Variants in PDE3B observed in about 807,000 individuals in gnomAD.
PDE3B encodes the protein cGMP-inhibited 3',5'-cyclic phosphodiesterase 3B.
PDE3B carries 66 observed loss-of-function variants against 116.8 expected under a neutral mutation model. The ratio of observed to expected loss-of-function variants is 0.56; its 90% CI spans 0.46 to 0.69. PDE3B has a LOEUF of 0.69. Among genes scored for constraint, PDE3B ranks in the 30% least tolerant of loss-of-function variants. PDE3B has a pLI of 0.00. For missense variants in PDE3B, 1,384 were observed against 1,368.1 expected, an observed-to-expected ratio of 1.01 and a Z score of -0.18; for synonymous variants, 595 against 533.6, an observed-to-expected ratio of 1.12 and a Z score of -1.59.
rs574601351 is a variant in PDE3B, at chr11:14,713,512, C to A, written c.979-58425C>A. Among the ~76,000 whole-genome samples, 7 of 152,218 alleles carry A rather than the reference C, an allele frequency of 4.6e-5. No individual in the cohort carries two copies. The South Asian group carries it at 1.5e-3, about 32-fold the overall frequency. ...TTGAACTTGAACTGAAACATTGGCC[C>A]TTCCTGGGTCCCAAGCTTGCTGGCC... On this transcript the variant is annotated intron_variant, in intron 1 of 15. Transcript: ENST00000282096.
At chr11:14,866,739 A>T (rs1264446182) in intron 14 of PDE3B, among the ~76,000 whole-genome samples, 4 of 152,188 alleles carry the variant, frequency 2.6e-5, no homozygotes, top group African/African-American at 9.7e-5. Flanking sequence ...ACTAGGACTA[A>T]AATGTTAATA....
At chr11:14,809,767 C>G (rs1052281810) in intron 5 of PDE3B, among the ~76,000 whole-genome samples, 3 of 152,192 alleles carry the variant, frequency 2.0e-5, no homozygotes, top group African/African-American at 7.2e-5. Context: ...AAAGTACCAT[C>G]TGTGAGGCAG....
At chr11:14,731,975 A>T (rs995580646) in intron 1 of PDE3B, among the ~76,000 whole-genome samples, 3 of 152,158 alleles carry the variant, frequency 2.0e-5, no homozygotes, top group Admixed American at 1.3e-4. Context: ...GGGGAATTCT[A>T]GGGGTTAGGA....
At position 14,832,800 on chromosome 11, in the gene PDE3B, C is replaced by T. The variant is rs370776027; in HGVS notation, c.2173C>T (p.Arg725Cys). ...CACTCAACAATTTATGAACTATTTT[C>T]GTGCATTAGAAAATGGCTATCGAGA... ...IPTQQFMNYF[R>C]ALENGYRDIP... The change falls in exon 10 of 16, where the codon CGT becomes TGT. Residue 725 changes from arginine to cysteine, a missense_variant. Around this residue, in one of 2 missense-constraint regions of PDE3B, gnomAD observed 428 missense variants for 561.4 expected, o/e 0.76. Coordinates refer to ENST00000282096, the MANE Select transcript of PDE3B (RefSeq NM_000922.4). The T allele has an allele frequency of 9.2e-6, 14 of 1,525,886 alleles. 1 individual carries two copies. Among genetic ancestry groups the T allele is most frequent in the East Asian group, 4.6e-5 (2 of 43,326 alleles). 94.5% of individuals were successfully genotyped at this position (1,525,886 alleles called of 1,614,324 possible).
chr11:14,663,576 T>C (rs1052619765), intron 1 of PDE3B, among the ~76,000 whole-genome samples: 3 of 152,112 alleles, frequency 2.0e-5, no homozygotes, highest in African/African-American at 7.2e-5. Context: ...AGGAGGAAGA[T>C]CTACCAAGCC....
chr11:14,710,595 A>G (rs1855673961), intron 1 of PDE3B, among the ~76,000 whole-genome samples: 1 of 152,214 alleles, frequency 6.6e-6, no homozygotes, highest in African/African-American at 2.4e-5. Flanking sequence ...ATTTAGATCC[A>G]AAGCCACTGG....
intron 5 of PDE3B, among the ~76,000 whole-genome samples, chr11:14,809,904 T>TA (rs398015398): frequency 2.6e-5 from 4 of 151,556 alleles, no homozygotes; most frequent in Non-Finnish European, 5.9e-5. Flanking sequence ...TTTTTTTTTT[T>TA]AGGTGGTATA....
At position 14,669,996 on chromosome 11, in the gene PDE3B, T is replaced by A. The variant is rs181019170; in HGVS notation, c.978+24943T>A. On this transcript the variant is annotated intron_variant, in intron 1 of 15. Transcript: ENST00000282096. ...CTAAGTCTTGTATTATAAATGTTTT[T>A]ATAAATACCTGAGAATCAATAGTGC... Among the ~76,000 whole-genome samples, 8 of 152,320 alleles carry A rather than the reference T, an allele frequency of 5.3e-5. No individual in the cohort carries two copies. In the East Asian group the frequency reaches 1.5e-3, roughly 29 times the overall value.
chr11:14,891,685 G>T, the PDE3B span: 2 of 1,193,546 alleles, frequency 1.7e-6, no homozygotes, highest in Non-Finnish European at 2.1e-6. Flanking sequence ...GAGCCAAACG[G>T]CGCAGGCGCA....
intron 12 of PDE3B, among the ~76,000 whole-genome samples, chr11:14,855,726 A>G (rs576778424): frequency 1.3e-5 from 2 of 152,286 alleles, no homozygotes; most frequent in South Asian, 4.1e-4. Flanking sequence ...AGAGAAGATT[A>G]TGACTTAAGA....
intron 12 of PDE3B, among the ~76,000 whole-genome samples, chr11:14,854,518 A>ATTTT (rs72059847): frequency 6.9e-6 from 1 of 143,980 alleles, no homozygotes. Flanking sequence ...GAAATCTAGA[A>ATTTT]TTTTTTTTTT....
the PDE3B span, among the ~76,000 whole-genome samples, chr11:14,883,293 G>T: frequency 1.3e-5 from 2 of 151,926 alleles, no homozygotes; most frequent in Admixed American, 1.3e-4. Flanking sequence ...ATACTACAAG[G>T]CTACACTAAC....
intron 12 of PDE3B, among the ~76,000 whole-genome samples, chr11:14,850,326 T>C (rs1420562695): frequency 2.0e-5 from 3 of 147,144 alleles, no homozygotes; most frequent in Non-Finnish European, 4.5e-5. Flanking sequence ...CATCACACTC[T>C]GGGGACTGTT....
chr11:14,673,888 CT>C lies in PDE3B; in HGVS notation c.978+28839del, dbSNP rs376013266. The stretch of plus-strand genomic sequence containing the variant: ...GTGCCCAACATTACGTTGAAGTATT[CT>C]TTTATCCCTGCCACAACTTCATTAA... On this transcript the variant is annotated intron_variant, in intron 1 of 15. Coordinates refer to ENST00000282096, the MANE Select transcript of PDE3B (RefSeq NM_000922.4). The C allele has an allele frequency of 2.0e-5, 29 of 1,434,158 alleles. No homozygotes were observed. In the East Asian group the frequency reaches 5.0e-4, roughly 25 times the overall value. The allele number at this position is 1,434,158 out of a possible 1,614,324, so 88.8% of individuals were successfully genotyped here.
At chr11:14,770,296 G>A (rs1211923066) in intron 1 of PDE3B, among the ~76,000 whole-genome samples, 2 of 151,346 alleles carry the variant, frequency 1.3e-5, no homozygotes, top group African/African-American at 4.8e-5. Context: ...TTATGATAAT[G>A]GGAGGAATGG....
At chr11:14,730,134 C>CT (rs1332543758) in intron 1 of PDE3B, among the ~76,000 whole-genome samples, 2 of 152,196 alleles carry the variant, frequency 1.3e-5, no homozygotes, top group East Asian at 3.8e-4. Context: ...TCTTCCACTG[C>CT]TATCTAAGAA....
At chr11:14,878,985 G>T in the PDE3B span, 1 of 764,264 alleles carries the variant, frequency 1.3e-6, no homozygotes, top group Non-Finnish European at 2.2e-6. Flanking sequence ...TCTCCTGTTA[G>T]AATCAGTTCT....
At chr11:14,841,249 A>G (rs1860213543) in intron 11 of PDE3B, among the ~76,000 whole-genome samples, 1 of 151,468 alleles carries the variant, frequency 6.6e-6, no homozygotes, top group African/African-American at 2.4e-5. Context: ...TCTTTAGCCA[A>G]TCAGCCCACC....
At chr11:14,739,283 C>T (rs1856694996) in intron 1 of PDE3B, among the ~76,000 whole-genome samples, 1 of 152,150 alleles carries the variant, frequency 6.6e-6, no homozygotes, top group Non-Finnish European at 1.5e-5. Context: ...TTTCCTTGAG[C>T]AGTGGTTTGT....
Sources: gnomAD v4.1 joint callset for allele counts (sites outside exome capture counted in the v4.1 genomes callset) on GRCh38, gnomAD v4.1.1 for gene constraint, gnomAD v4.1.1 regional missense constraint, MANE v1.5 for transcripts, NCBI Gene and HGNC (gene_info 2026-07-23, HGNC 2026-07-21) for gene names.